The following IKZF2 variants were observed in gnomAD, a reference collection of about 807,000 sequenced individuals.
IKZF2 encodes IKAROS family zinc finger 2.
In IKZF2, 15 loss-of-function variants were observed where a neutral mutation model predicts 49.2. The observed-to-expected ratio is 0.30, with a 90% CI of 0.20 to 0.47. The LOEUF (loss-of-function observed/expected upper bound fraction) is 0.47. Among genes scored for constraint, IKZF2 ranks in the 20% least tolerant of loss-of-function variants. The probability of loss-of-function intolerance (pLI) is 1.00; values close to 1 mark genes in which losing one functional copy is unlikely to be tolerated. For missense variants in IKZF2, 567 were observed against 664.6 expected (o/e 0.85, Z 1.61); for synonymous variants, 227 against 221.4 (o/e 1.03, Z -0.23).
At chr2:213,014,101 A>T in intron 7 of IKZF2, 167 bp from the exon 8 acceptor site, 1 of 527,190 alleles carries the variant, frequency 1.9e-6, no homozygotes, top group Non-Finnish European at 3.4e-6. Flanking sequence ...AAATTTGCAC[A>T]CACACATATA....
At chr2:213,098,374 T>G (rs927771767) in intron 4 of IKZF2, among the ~76,000 whole-genome samples, 2 of 152,104 alleles carry the variant, frequency 1.3e-5, no homozygotes, top group African/African-American at 4.8e-5. Flanking sequence ...GAATGTACAT[T>G]ATATAATATG....
At chr2:213,010,013 G>T (rs558442514) in intron 8 of IKZF2, among the ~76,000 whole-genome samples, 2 of 152,170 alleles carry the variant, frequency 1.3e-5, no homozygotes, top group East Asian at 3.9e-4. Flanking sequence ...TTCCCTAAAG[G>T]AATACAGATT....
chr2:213,146,759 C>CGGGGA (rs1553604932), intron 4 of IKZF2, among the ~76,000 whole-genome samples: 2 of 87,168 alleles, frequency 2.3e-5, no homozygotes, highest in Non-Finnish European at 5.2e-5. Context: ...ATTAAATCTT[C>CGGGGA]GGGGGGGGGG....
In IKZF2 at chr2:213,148,550, A is replaced by C. The variant is rs774010781; in HGVS notation, c.34+46T>G. 37 of 1,382,420 alleles carry C rather than the reference A, an allele frequency of 2.7e-5. No homozygotes were observed. The South Asian group carries it at 3.5e-4, about 13-fold the overall frequency. The allele number at this position is 1,382,420 out of a possible 1,614,324, so 85.6% of individuals were successfully genotyped here. On this transcript the variant is annotated intron_variant, in intron 3 of 8. Coordinates refer to ENST00000434687, the MANE Select transcript of IKZF2 (RefSeq NM_001387220.1). ...AGGAATTAAAACACAGGTAATACAA[A>C]GGCAACTTTATTACCAATAACAAAT...
chr2:213,088,536 A>T (rs953833262), intron 4 of IKZF2, among the ~76,000 whole-genome samples: 3 of 152,036 alleles, frequency 2.0e-5, no homozygotes, highest in Admixed American at 1.3e-4. Flanking sequence ...AGGCAGGGGG[A>T]TCATTTGAAG....
In IKZF2 at chr2:213,151,404, G is replaced by A. The variant is rs897047589; in HGVS notation, c.-120+9C>T. ...TTCTTCACCACGCAAAAGCCAAGCG[G>A]AGATTTACCTCAGCAGTGCATGCAG... On this transcript the variant is annotated intron_variant, in intron 1 of 8. Transcript: ENST00000434687. The A allele has an allele frequency of 2.0e-5, 3 of 152,448 alleles. No individual in the cohort carries two copies. Among genetic ancestry groups the A allele is most frequent in the African/African-American group, 7.2e-5 (3 of 41,396 alleles). The allele number at this position is 152,448 out of a possible 1,614,324, so 9.4% of individuals were successfully genotyped here. A position where few individuals can be genotyped will look rare whatever the true frequency, so the allele number is the denominator to read the frequency against.
At chr2:213,070,262 T>C (rs1702556361) in intron 4 of IKZF2, among the ~76,000 whole-genome samples, 1 of 152,158 alleles carries the variant, frequency 6.6e-6, no homozygotes. Flanking sequence ...TGCTTAGTTA[T>C]GGGAAAGAGA....
chr2:213,140,632 T>C (rs1213259830), intron 4 of IKZF2, among the ~76,000 whole-genome samples: 1 of 151,924 alleles, frequency 6.6e-6, no homozygotes. Flanking sequence ...AGTTATGATA[T>C]TAGATATACC....
At chr2:213,013,011 T>A (rs76566949) in intron 8 of IKZF2, among the ~76,000 whole-genome samples, 1 of 152,082 alleles carries the variant, frequency 6.6e-6, no homozygotes, top group East Asian at 1.9e-4. Context: ...ACAGCATGCA[T>A]CCAGAATGAT....
At chr2:213,139,574 C>T (rs2060796727) in intron 4 of IKZF2, among the ~76,000 whole-genome samples, 1 of 144,788 alleles carries the variant, frequency 6.9e-6, no homozygotes, top group African/African-American at 2.5e-5. Flanking sequence ...TGTGTGTGTG[C>T]TTTATTTTTA....
intron 6 of IKZF2, 89 bp from the exon 7 acceptor site, chr2:213,022,219 G>A: frequency 8.0e-7 from 1 of 1,248,630 alleles, no homozygotes; most frequent in East Asian, 2.7e-5. Flanking sequence ...TCTGGAGGAA[G>A]CACTCATATA....
chr2:213,056,115 A>G (rs2125377325), intron 5 of IKZF2, among the ~76,000 whole-genome samples: 1 of 152,272 alleles, frequency 6.6e-6, no homozygotes, highest in African/African-American at 2.4e-5. Flanking sequence ...AGATTTAAAT[A>G]AGACCTTCTC....
intron 4 of IKZF2, among the ~76,000 whole-genome samples, chr2:213,067,736 C>T (rs1303847473): frequency 6.6e-6 from 1 of 152,016 alleles, no homozygotes; most frequent in Non-Finnish European, 1.5e-5. Flanking sequence ...TTTTATGGCA[C>T]TAGTGAAAGG....
chr2:213,070,613 G>A (rs1278708600), intron 4 of IKZF2, among the ~76,000 whole-genome samples: 1 of 152,132 alleles, frequency 6.6e-6, no homozygotes, highest in Non-Finnish European at 1.5e-5. Context: ...ACACTGTTAA[G>A]TATTGGATCT....
At chr2:213,081,361 T>C (rs1386704993) in intron 4 of IKZF2, 3 of 152,762 alleles carry the variant, frequency 2.0e-5, no homozygotes, top group East Asian at 1.9e-4. Flanking sequence ...GCAGGACAGG[T>C]GATTGGCAAT....
chr2:213,014,076 G>T, intron 7 of IKZF2, 142 bp from the exon 8 acceptor site: 1 of 653,864 alleles, frequency 1.5e-6, no homozygotes, highest in South Asian at 2.1e-5. Flanking sequence ...CCTCTAGTGT[G>T]AAAGTATACT....
At chr2:213,147,619 T>A in intron 4 of IKZF2, 89 bp downstream of exon 4, 1 of 905,072 alleles carries the variant, frequency 1.1e-6, no homozygotes, top group Non-Finnish European at 1.9e-6. Context: ...TATACCACAA[T>A]GTGAGAGGAC....
Position 213,007,209 on chromosome 2 carries a change from A to G in IKZF2, c.*151T>C. 2.5e-6 allele frequency: 2 copies of G among 806,846 alleles called. No individual in the cohort carries two copies. The highest frequency in any genetic ancestry group is 1.9e-6 in the Non-Finnish European group (1 of 529,900). The allele number at this position is 806,846 out of a possible 1,614,324, so 50.0% of individuals were successfully genotyped here. A position where few individuals can be genotyped will look rare whatever the true frequency, so the allele number is the denominator to read the frequency against. On this transcript the variant is annotated 3_prime_UTR_variant, in exon 9 of 9. Coordinates refer to ENST00000434687, the MANE Select transcript of IKZF2 (RefSeq NM_001387220.1). Reference sequence around the variant, plus strand: ...ATCGTAATTAGGCAGAGCAAATGACACTGCCTCCACAAAATAAGAATTATC... The same window carrying G: ...ATCGTAATTAGGCAGAGCAAATGACGCTGCCTCCACAAAATAAGAATTATC...
intron 4 of IKZF2, among the ~76,000 whole-genome samples, chr2:213,095,212 T>C (rs1355719168): frequency 6.6e-6 from 1 of 152,104 alleles, no homozygotes; most frequent in Non-Finnish European, 1.5e-5. Flanking sequence ...AATGTGCATA[T>C]AGATAGCTTT....
Sources: allele counts gnomAD v4.1 joint callset (sites outside exome capture counted in the v4.1 genomes callset), GRCh38; gene constraint gnomAD v4.1.1; transcripts MANE v1.5; gene names NCBI Gene and HGNC (gene_info 2026-07-23, HGNC 2026-07-21).